The following GPC5 variants were observed in gnomAD, a reference collection of about 807,000 sequenced individuals.
GPC5 encodes glypican 5.
A neutral mutation model predicts 53.9 loss-of-function variants in GPC5; 47 were observed. That is an observed-to-expected ratio of 0.87 (90% CI 0.69 to 1.11). GPC5 has a LOEUF of 1.11. GPC5 is among the 50% of genes most tolerant of loss of function. GPC5 has a pLI of 0.00. For missense variants in GPC5, 748 were observed against 713.1 expected (o/e 1.05, Z -0.56); for synonymous variants, 286 against 263.3 (o/e 1.09, Z -0.84).
chr13:92,102,424 G>C (rs1455835654), intron 6 of GPC5, among the ~76,000 whole-genome samples: 36 of 152,240 alleles, frequency 2.4e-4, no homozygotes, highest in Admixed American at 2.2e-3. Context: ...ATTGAGGAGT[G>C]GAAGTAAGTA....
chr13:91,423,659 C>T (rs2138994150), intron 1 of GPC5, among the ~76,000 whole-genome samples: 1 of 152,238 alleles, frequency 6.6e-6, no homozygotes, highest in East Asian at 1.9e-4. Context: ...TTCTAGGGAT[C>T]TATTGCACAG....
At position 92,781,589 on chromosome 13, in the gene GPC5, T is replaced by C. The variant is rs148969958; in HGVS notation, c.1562-84693T>C. On this transcript the variant is annotated intron_variant, in intron 7 of 7. Transcript: ENST00000377067. ...AACAGGAAAGATACCAACAGAGAGGTTGATGGAACCATTTGTAAAATTAAC... is the reference window on the plus strand; with the variant it reads ...AACAGGAAAGATACCAACAGAGAGGCTGATGGAACCATTTGTAAAATTAAC... Among the ~76,000 whole-genome samples, 253 of 152,178 alleles carry C rather than the reference T, an allele frequency of 1.7e-3. 4 individuals are homozygous for C. The highest frequency in any genetic ancestry group is 6.0e-3 in the African/African-American group (248 of 41,524).
At chr13:91,744,728 C>T (rs181895011) in intron 4 of GPC5, among the ~76,000 whole-genome samples, 41 of 152,178 alleles carry the variant, frequency 2.7e-4, no homozygotes, top group Non-Finnish European at 5.0e-4. Flanking sequence ...TATGCTTGTT[C>T]CGTAAGTCAC....
chr13:92,599,648 A>G (rs1351633063), intron 7 of GPC5, among the ~76,000 whole-genome samples: 2 of 152,184 alleles, frequency 1.3e-5, no homozygotes, highest in Non-Finnish European at 2.9e-5. Context: ...TAAACAGGAT[A>G]ATGGCATGAG....
intron 5 of GPC5, among the ~76,000 whole-genome samples, chr13:91,835,720 A>C (rs2038716159): frequency 6.6e-6 from 1 of 150,948 alleles, no homozygotes; most frequent in African/African-American, 2.4e-5. Flanking sequence ...AACATCATAC[A>C]TCAGGGCCTG....
intron 7 of GPC5, among the ~76,000 whole-genome samples, chr13:92,768,635 C>T (rs1875499747): frequency 6.6e-6 from 1 of 152,010 alleles, no homozygotes; most frequent in South Asian, 2.1e-4. Flanking sequence ...AGTCAGTTTC[C>T]CCTGTCCACT....
At chr13:91,638,899 C>T (rs753756929) in intron 2 of GPC5, among the ~76,000 whole-genome samples, 2 of 151,994 alleles carry the variant, frequency 1.3e-5, no homozygotes, top group Non-Finnish European at 2.9e-5. Flanking sequence ...TTCAGCAAAA[C>T]AAAATAAGTA....
At chr13:91,478,886 TATATATATATATATATGCAC>T (rs1211889238) in intron 2 of GPC5, among the ~76,000 whole-genome samples, 2 of 118,390 alleles carry the variant, frequency 1.7e-5, no homozygotes, top group Non-Finnish European at 3.4e-5. Flanking sequence ...ACACATTATA[TATATATATATATATATGCAC>T]ATATATATAT....
chr13:91,578,883 A>G (rs1475170521), intron 2 of GPC5, among the ~76,000 whole-genome samples: 1 of 151,880 alleles, frequency 6.6e-6, no homozygotes, highest in South Asian at 2.1e-4. Context: ...CGGTCTCTAT[A>G]AAAACATAAA....
chr13:91,737,104 A>G (rs1225558777), intron 4 of GPC5, among the ~76,000 whole-genome samples: 1 of 151,362 alleles, frequency 6.6e-6, no homozygotes, highest in Non-Finnish European at 1.5e-5. Context: ...ACTCCGTCTC[A>G]GATTACTTTT....
intron 4 of GPC5, among the ~76,000 whole-genome samples, chr13:91,755,752 A>G (rs2037276228): frequency 6.6e-6 from 1 of 152,086 alleles, no homozygotes; most frequent in Non-Finnish European, 1.5e-5. Context: ...GGTCATATTT[A>G]GTAAAGACAT....
At chr13:91,848,197 A>G (rs1249620192) in intron 5 of GPC5, among the ~76,000 whole-genome samples, 1 of 152,126 alleles carries the variant, frequency 6.6e-6, no homozygotes, top group East Asian at 1.9e-4. Context: ...TTTGTCCCTT[A>G]CTCTCACCTT....
At chr13:91,963,759 A>G (rs950235978) in intron 6 of GPC5, among the ~76,000 whole-genome samples, 2 of 151,982 alleles carry the variant, frequency 1.3e-5, no homozygotes, top group Non-Finnish European at 2.9e-5. Flanking sequence ...AAACACAGAT[A>G]ATAATATTGA....
intron 7 of GPC5, among the ~76,000 whole-genome samples, chr13:92,785,244 C>G (rs1340894513): frequency 6.6e-6 from 1 of 152,126 alleles, no homozygotes; most frequent in Non-Finnish European, 1.5e-5. Context: ...CCCCTTCACT[C>G]CAGCCTGGGC....
At chr13:92,014,001 T>C (rs2040685093) in intron 6 of GPC5, among the ~76,000 whole-genome samples, 1 of 152,180 alleles carries the variant, frequency 6.6e-6, no homozygotes, top group Non-Finnish European at 1.5e-5. Flanking sequence ...GTAATAATCA[T>C]GTTTATTTTT....
chr13:92,571,022 CA>C (rs1386804320), intron 7 of GPC5, among the ~76,000 whole-genome samples: 1 of 152,068 alleles, frequency 6.6e-6, no homozygotes, highest in Non-Finnish European at 1.5e-5. Context: ...CAAGACTTAC[CA>C]CCATCTCTTT....
chr13:91,708,259 C>T (rs914439875), intron 3 of GPC5, among the ~76,000 whole-genome samples: 4 of 151,682 alleles, frequency 2.6e-5, no homozygotes, highest in African/African-American at 9.7e-5. Context: ...CTTAAGTTTA[C>T]GTTTTTTGTT....
At chr13:91,875,332 A>G (rs1349273284) in intron 5 of GPC5, among the ~76,000 whole-genome samples, 1 of 152,216 alleles carries the variant, frequency 6.6e-6, no homozygotes, top group Non-Finnish European at 1.5e-5. Context: ...CCTTTAAAAC[A>G]CGTTAGGTAC....
At chr13:92,115,704 T>C (rs9589431) in intron 6 of GPC5, among the ~76,000 whole-genome samples, 132 of 152,242 alleles carry the variant, frequency 8.7e-4, no homozygotes, top group African/African-American at 3.1e-3. Flanking sequence ...TCCACGTTGT[T>C]GTGTGTATCA....
Sources: allele counts gnomAD v4.1 joint callset (sites outside exome capture counted in the v4.1 genomes callset), GRCh38; gene constraint gnomAD v4.1.1; transcripts MANE v1.5; gene names NCBI Gene and HGNC (gene_info 2026-07-23, HGNC 2026-07-21).